The following ARK2C variants were observed in gnomAD, a reference collection of about 807,000 sequenced individuals.
The protein encoded by ARK2C is arkadia (RNF111) C-terminal like ring finger ubiquitin ligase 2C.
chr18:46,415,534 T>TA, the ARK2C span, among the ~76,000 whole-genome samples: 87 of 150,100 alleles, frequency 5.8e-4, 1 homozygote, highest in South Asian at 0.017. Context: ...TCAAAAAAAA[T>TA]AAAAAAAATA....
At chr18:46,424,064 C>G in the ARK2C span, among the ~76,000 whole-genome samples, 20 of 152,322 alleles carry the variant, frequency 1.3e-4, no homozygotes, top group African/African-American at 4.8e-4. Context: ...CACTTCGCAA[C>G]TTTATTGGAG....
At chr18:46,377,462 A>G in the ARK2C span, among the ~76,000 whole-genome samples, 1,788 of 152,298 alleles carry the variant, frequency 0.012, 45 homozygotes, top group African/African-American at 0.041. Context: ...GAGAACCCAC[A>G]GGAAGGTGCT....
the ARK2C span, among the ~76,000 whole-genome samples, chr18:46,456,289 G>T: frequency 2.0e-5 from 3 of 152,222 alleles, no homozygotes; most frequent in African/African-American, 7.2e-5. Flanking sequence ...AGGATGAAAA[G>T]TGTAGGAGAA....
chr18:46,452,480 A>G, the ARK2C span, among the ~76,000 whole-genome samples: 17 of 151,866 alleles, frequency 1.1e-4, no homozygotes, highest in African/African-American at 4.1e-4. Context: ...GGGTTTCACC[A>G]TGTTGCCCAG....
the ARK2C span, among the ~76,000 whole-genome samples, chr18:46,389,397 C>T: frequency 6.6e-6 from 1 of 152,200 alleles, no homozygotes; most frequent in Non-Finnish European, 1.5e-5. Flanking sequence ...GACAGACTCA[C>T]ACTGTTTTAG....
the ARK2C span, among the ~76,000 whole-genome samples, chr18:46,352,873 A>C: frequency 1.3e-5 from 2 of 152,244 alleles, no homozygotes; most frequent in Non-Finnish European, 2.9e-5. Context: ...TCAGTTGGTC[A>C]TCTCTGCCTC....
chr18:46,365,291 C>G, the ARK2C span, among the ~76,000 whole-genome samples: 1 of 152,274 alleles, frequency 6.6e-6, no homozygotes, highest in African/African-American at 2.4e-5. Flanking sequence ...TGGTCCCCAC[C>G]CTACACTCCC....
the ARK2C span, among the ~76,000 whole-genome samples, chr18:46,356,648 C>G: frequency 6.6e-6 from 1 of 152,122 alleles, no homozygotes; most frequent in African/African-American, 2.4e-5. Context: ...CATGGGTTCC[C>G]ACATGTCCAG....
At chr18:46,354,954 T>A in the ARK2C span, among the ~76,000 whole-genome samples, 2 of 152,186 alleles carry the variant, frequency 1.3e-5, no homozygotes, top group Non-Finnish European at 2.9e-5. Flanking sequence ...GCTTTTAATA[T>A]ATACATATTT....
the ARK2C span, among the ~76,000 whole-genome samples, chr18:46,399,255 C>T: frequency 5.3e-5 from 8 of 152,296 alleles, no homozygotes; most frequent in African/African-American, 1.7e-4. Context: ...GTACTCTGGA[C>T]GTCCAGGGCA....
chr18:46,378,541 G>A, the ARK2C span, among the ~76,000 whole-genome samples: 2 of 152,210 alleles, frequency 1.3e-5, no homozygotes, highest in African/African-American at 4.8e-5. Flanking sequence ...GCCCAGAGGT[G>A]TCAGATGATC....
chr18:46,340,723 C>T, the ARK2C span, among the ~76,000 whole-genome samples: 5 of 152,242 alleles, frequency 3.3e-5, no homozygotes. Context: ...ATGAAACCTA[C>T]CTGATAGGCT....
chr18:46,435,524 C>T, the ARK2C span: 105 of 731,650 alleles, frequency 1.4e-4, no homozygotes, highest in Middle Eastern at 7.1e-4. Flanking sequence ...CAGGCCCCAG[C>T]GTTTGCCTCT....
chr18:46,364,482 C>A, the ARK2C span, among the ~76,000 whole-genome samples: 1 of 152,106 alleles, frequency 6.6e-6, no homozygotes, highest in Non-Finnish European at 1.5e-5. Flanking sequence ...GTGGGCTCCC[C>A]AGAGAACCCT....
chr18:46,446,214 G>A, the ARK2C span, among the ~76,000 whole-genome samples: 2 of 152,006 alleles, frequency 1.3e-5, no homozygotes, highest in African/African-American at 4.8e-5. Flanking sequence ...TTTCTTTAGG[G>A]GAAGCAAAAT....
the ARK2C span, among the ~76,000 whole-genome samples, chr18:46,383,846 C>T: frequency 5.2e-3 from 795 of 152,210 alleles, 5 homozygotes; most frequent in Non-Finnish European, 5.4e-3. Context: ...CCACCGCGCC[C>T]GGCCACCATG....
At chr18:46,451,671 G>A in the ARK2C span, among the ~76,000 whole-genome samples, 1 of 152,078 alleles carries the variant, frequency 6.6e-6, no homozygotes, top group African/African-American at 2.4e-5. Flanking sequence ...AGTTCATGGT[G>A]GTATGAACTT....
At chr18:46,334,413 C>T in the ARK2C span, 4 of 1,336,078 alleles carry the variant, frequency 3.0e-6, no homozygotes, top group Middle Eastern at 2.3e-4. The surrounding 1 kb of genome is among the most constrained non-coding windows in gnomAD (Gnocchi z 4.4). Flanking sequence ...GCGCCGCGGG[C>T]GGCCGGGGGC....
At chr18:46,401,345 C>T in the ARK2C span, among the ~76,000 whole-genome samples, 2 of 152,208 alleles carry the variant, frequency 1.3e-5, no homozygotes, top group African/African-American at 4.8e-5. Flanking sequence ...TTTCTCCCAT[C>T]ACCAACATCA....
Sources: allele counts gnomAD v4.1 joint callset (sites outside exome capture counted in the v4.1 genomes callset), GRCh38; gene constraint gnomAD v4.1.1; non-coding constraint Gnocchi (gnomAD v3.1); transcripts MANE v1.5; gene names NCBI Gene and HGNC (gene_info 2026-07-23, HGNC 2026-07-21).